Variants in BAZ2B observed in about 807,000 individuals in gnomAD.
BAZ2B encodes the protein bromodomain adjacent to zinc finger domain protein 2B.
Under a neutral mutation model 246.0 loss-of-function variants are expected in BAZ2B, and 91 were observed. The observed-to-expected ratio is 0.37, with a 90% CI of 0.31 to 0.44. BAZ2B has a LOEUF of 0.44. Among genes scored for constraint, BAZ2B ranks in the 20% least tolerant of loss-of-function variants. The pLI is 1.00. For missense variants in BAZ2B, 2,332 were observed against 2,533.7 expected (o/e 0.92, Z 1.71); for synonymous variants, 855 against 860.0 (o/e 0.99, Z 0.10).
chr2:159,472,880 G>A (rs368516067), intron 3 of BAZ2B, among the ~76,000 whole-genome samples: 2 of 152,138 alleles, frequency 1.3e-5, no homozygotes, highest in Non-Finnish European at 2.9e-5. Context: ...TGCTGGATTC[G>A]ATTTGTCAGT....
intron 16 of BAZ2B, among the ~76,000 whole-genome samples, chr2:159,402,764 A>G (rs897073643): frequency 6.6e-6 from 1 of 152,212 alleles, no homozygotes; most frequent in African/African-American, 2.4e-5. Flanking sequence ...AGTGACTTTT[A>G]TATATATCCA....
chr2:159,620,402 T>C (rs905970701), upstream of BAZ2B, among the ~76,000 whole-genome samples: 2 of 152,154 alleles, frequency 1.3e-5, no homozygotes, highest in African/African-American at 4.8e-5. Flanking sequence ...TGGAAAAACA[T>C]GAAAAGCTCA....
At chr2:159,710,515 G>A in the BAZ2B span, among the ~76,000 whole-genome samples, 18 of 152,264 alleles carry the variant, frequency 1.2e-4, no homozygotes, top group African/African-American at 4.1e-4. Context: ...GCTGCAAAAT[G>A]TCTGCAGCAT....
chr2:159,350,346 T>C lies in BAZ2B; in HGVS notation c.4225A>G (p.Ile1409Val). The C allele has an allele frequency of 1.3e-6, 2 of 1,548,218 alleles. No individual in the cohort carries two copies. Among genetic ancestry groups the C allele is most frequent in the African/African-American group, 1.4e-5 (1 of 72,676 alleles). The change falls in exon 28 of 37, where the codon ATT becomes GTT. Residue 1409 changes from isoleucine to valine, a missense_variant. Ile to Val is a conservative substitution (Grantham distance 29). Around this residue, in one of 9 missense-constraint regions of BAZ2B, gnomAD observed 676 missense variants for 668.6 expected, o/e 1.01. Coordinates refer to ENST00000392783, the MANE Select transcript of BAZ2B (RefSeq NM_013450.4). ...TTCAGTTTTTCTCTTTCTTTTGCAATTTCTTCTAGTCCTACAAAATGAAAA... is the reference window on the plus strand; with the variant it reads ...TTCAGTTTTTCTCTTTCTTTTGCAACTTCTTCTAGTCCTACAAAATGAAAA... ...GMESGEGLEEIAKEREKLKKA... is the reference protein window; with the variant it reads ...GMESGEGLEEVAKEREKLKKA...
At chr2:159,605,509 T>C (rs1197778392) in intron 1 of BAZ2B, among the ~76,000 whole-genome samples, 3 of 152,190 alleles carry the variant, frequency 2.0e-5, no homozygotes, top group African/African-American at 7.2e-5. Context: ...AATAAAATAT[T>C]TGCAAAAATA....
chr2:159,493,853 G>A (rs1439499017), intron 2 of BAZ2B, among the ~76,000 whole-genome samples: 1 of 152,176 alleles, frequency 6.6e-6, no homozygotes, highest in African/African-American at 2.4e-5. Context: ...ACATATACCT[G>A]ATATAAGTGC....
intron 1 of BAZ2B, among the ~76,000 whole-genome samples, chr2:159,595,744 C>T (rs549903792): frequency 4.6e-5 from 7 of 152,316 alleles, no homozygotes; most frequent in Admixed American, 2.6e-4. Context: ...ATCTAACAAG[C>T]GGAGGTACTA....
intron 10 of BAZ2B, 40 bp from the exon 11 acceptor site, chr2:159,429,300 A>G: frequency 1.7e-6 from 2 of 1,159,366 alleles, no homozygotes; most frequent in Admixed American, 2.4e-5. Context: ...AACATTCATT[A>G]ATATAAATAA....
At chr2:159,340,089 G>A (rs2066370613) in intron 31 of BAZ2B, among the ~76,000 whole-genome samples, 1 of 151,974 alleles carries the variant, frequency 6.6e-6, no homozygotes, top group Non-Finnish European at 1.5e-5. Flanking sequence ...CCAAACAGAA[G>A]TTCTAGAGCT....
At chr2:159,330,769 G>A (rs1239053587) in intron 34 of BAZ2B, among the ~76,000 whole-genome samples, 1 of 151,762 alleles carries the variant, frequency 6.6e-6, no homozygotes, top group African/African-American at 2.4e-5. Flanking sequence ...GAGGTGAGAG[G>A]ATAACTTGAA....
At chr2:159,442,921 T>C (rs2073688738) in intron 6 of BAZ2B, among the ~76,000 whole-genome samples, 1 of 152,246 alleles carries the variant, frequency 6.6e-6, no homozygotes, top group African/African-American at 2.4e-5. Context: ...ATTTTGCTTA[T>C]CCAGTTATCT....
At chr2:159,394,335 G>A (rs2063720819) in intron 20 of BAZ2B, among the ~76,000 whole-genome samples, 1 of 152,068 alleles carries the variant, frequency 6.6e-6, no homozygotes, top group Admixed American at 6.6e-5. Flanking sequence ...AGCGAATAGA[G>A]AGCAGCCATG....
chr2:159,516,973 A>T (rs1237087073), intron 2 of BAZ2B, among the ~76,000 whole-genome samples: 1 of 152,152 alleles, frequency 6.6e-6, no homozygotes, highest in East Asian at 1.9e-4. Flanking sequence ...ACCTGCCAAA[A>T]ATAAAGAAAA....
chr2:159,432,802 C>A lies in BAZ2B; in HGVS notation c.1855G>T (p.Asp619Tyr). The A allele has an allele frequency of 6.2e-7, 1 of 1,613,584 alleles. No individual in the cohort carries two copies. The change falls in exon 9 of 37, where the codon GAT (aspartate) becomes TAT (tyrosine). Residue 619 changes from aspartate (D) to tyrosine (Y), a missense_variant. By Grantham distance (160) the Asp-to-Tyr change is radical. Around this residue, in one of 9 missense-constraint regions of BAZ2B, gnomAD observed 651 missense variants for 650.9 expected, o/e 1.00. Coordinates refer to ENST00000392783, the MANE Select transcript of BAZ2B (RefSeq NM_013450.4). ...TCATCATCTTCATCATCTTCCTCAT[C>A]TTCTTCTTCATCATCTTCCTCTTCA... is the stretch of plus-strand genomic sequence containing the variant. ...EDEEEDDEEE[D>Y]EEDDEDDESD...
At chr2:159,476,307 G>T (rs2078543931) in intron 3 of BAZ2B, among the ~76,000 whole-genome samples, 1 of 151,914 alleles carries the variant, frequency 6.6e-6, no homozygotes. Context: ...CATGTTTTAG[G>T]TACTAAAAAT....
intron 2 of BAZ2B, among the ~76,000 whole-genome samples, chr2:159,519,205 A>ATTTTTTT (rs2083771094): frequency 1.9e-4 from 11 of 56,480 alleles, no homozygotes; most frequent in Non-Finnish European, 2.9e-4. Context: ...TTCATATTCT[A>ATTTTTTT]TTTTCTTTTT....
intron 21 of BAZ2B, among the ~76,000 whole-genome samples, chr2:159,388,985 T>A (rs1405436560): frequency 6.6e-6 from 1 of 152,034 alleles, no homozygotes; most frequent in Non-Finnish European, 1.5e-5. Flanking sequence ...AAGACTGAGG[T>A]GAGAGGACCA....
intron 1 of BAZ2B, among the ~76,000 whole-genome samples, chr2:159,596,197 C>A (rs1042865337): frequency 1.3e-5 from 2 of 152,178 alleles, no homozygotes; most frequent in Admixed American, 1.3e-4. Flanking sequence ...TTGTTGAAGA[C>A]TCCAAAAGAG....
chr2:159,477,508 T>C (rs946650946), intron 3 of BAZ2B, among the ~76,000 whole-genome samples: 3 of 151,938 alleles, frequency 2.0e-5, no homozygotes, highest in Non-Finnish European at 2.9e-5. Context: ...ATGAAAACAT[T>C]TATTTGACAA....
Sources: gnomAD v4.1 joint callset for allele counts (sites outside exome capture counted in the v4.1 genomes callset) on GRCh38, gnomAD v4.1.1 for gene constraint, gnomAD v4.1.1 regional missense constraint, MANE v1.5 for transcripts, NCBI Gene and HGNC (gene_info 2026-07-23, HGNC 2026-07-21) for gene names.